The following TPD52 variants were observed in gnomAD, a reference collection of about 807,000 sequenced individuals.
TPD52 encodes tumor protein D52.
TPD52 carries 17 observed loss-of-function variants against 31.3 expected under a neutral mutation model. The observed-to-expected ratio is 0.54, with a 90% CI of 0.37 to 0.82. The LOEUF (loss-of-function observed/expected upper bound fraction) is 0.82. Ranked by LOEUF, TPD52 falls within the 40% of genes least tolerant of loss-of-function variation. TPD52 has a pLI of 0.00. For synonymous variants in TPD52, 83 were observed against 89.6 expected, an observed-to-expected ratio of 0.93 and a Z score of 0.42; for missense variants, 212 against 240.1, an observed-to-expected ratio of 0.88 and a Z score of 0.77.
intron 1 of TPD52, among the ~76,000 whole-genome samples, chr8:80,136,315 G>A (rs1047232895): frequency 2.6e-5 from 4 of 151,158 alleles, no homozygotes; most frequent in African/African-American, 9.7e-5. Context: ...ATAAGGTCAG[G>A]AAATCGAGAC....
At chr8:80,043,113 C>A (rs1810535020) in intron 6 of TPD52, among the ~76,000 whole-genome samples, 1 of 152,118 alleles carries the variant, frequency 6.6e-6, no homozygotes, top group Admixed American at 6.5e-5. Context: ...ACACACATCA[C>A]CTAAGTGGGA....
intron 5 of TPD52, among the ~76,000 whole-genome samples, chr8:80,048,881 CAA>C (rs900121203): frequency 5.3e-5 from 8 of 152,020 alleles, no homozygotes; most frequent in African/African-American, 1.9e-4. Flanking sequence ...TTATTAAAAA[CAA>C]GACTGAAAAT....
chr8:80,102,035 G>GAA (rs1806781126), intron 1 of TPD52, among the ~76,000 whole-genome samples: 1 of 152,242 alleles, frequency 6.6e-6, no homozygotes, highest in African/African-American at 2.4e-5. Flanking sequence ...CATTGGGAAT[G>GAA]AAGGAGTACA....
intron 1 of TPD52, among the ~76,000 whole-genome samples, chr8:80,099,657 C>A (rs58818758): frequency 6.6e-6 from 1 of 151,668 alleles, no homozygotes; most frequent in South Asian, 2.1e-4. Context: ...ACTACAGGAG[C>A]GTGACACCAC....
At chr8:80,100,145 G>A (rs991515013) in intron 1 of TPD52, among the ~76,000 whole-genome samples, 1 of 152,160 alleles carries the variant, frequency 6.6e-6, no homozygotes, top group African/African-American at 2.4e-5. Flanking sequence ...ATAATCCTCT[G>A]GGGAAATCTC....
chr8:80,131,021 T>G (rs1275808673), intron 1 of TPD52, among the ~76,000 whole-genome samples: 5 of 152,218 alleles, frequency 3.3e-5, no homozygotes, highest in Non-Finnish European at 7.3e-5. Flanking sequence ...ACACAGTGTC[T>G]TCCGTAAATT....
intron 2 of TPD52, among the ~76,000 whole-genome samples, chr8:80,058,432 T>C (rs1400434958): frequency 6.6e-6 from 1 of 152,230 alleles, no homozygotes. Context: ...CAAGAGTATA[T>C]TGGCATAAAA....
chr8:80,116,885 A>C (rs1807902887), intron 1 of TPD52, among the ~76,000 whole-genome samples: 2 of 152,318 alleles, frequency 1.3e-5, no homozygotes, highest in South Asian at 4.1e-4. Flanking sequence ...TCAATAGATA[A>C]AGGACTAAAA....
intron 1 of TPD52, among the ~76,000 whole-genome samples, chr8:80,095,821 G>A (rs1816682913): frequency 1.3e-5 from 2 of 152,252 alleles, no homozygotes; most frequent in South Asian, 4.1e-4. Context: ...AGCGGCATGC[G>A]CCCGTGGTCC....
intron 1 of TPD52, among the ~76,000 whole-genome samples, chr8:80,110,197 G>T (rs1380662790): frequency 6.6e-6 from 1 of 152,110 alleles, no homozygotes; most frequent in Admixed American, 6.5e-5. Flanking sequence ...TAGTTAGTTT[G>T]GTTCGTGGGG....
chr8:80,087,030 A>G (rs1015399739), intron 1 of TPD52, among the ~76,000 whole-genome samples: 2 of 152,172 alleles, frequency 1.3e-5, no homozygotes, highest in African/African-American at 4.8e-5. Flanking sequence ...CAAATTGCTC[A>G]GAAAATAAGA....
chr8:80,053,073 T>G, intron 3 of TPD52: 1 of 453,422 alleles, frequency 2.2e-6, no homozygotes, highest in Non-Finnish European at 3.8e-6. Context: ...CTGGCTAGCT[T>G]TCTTTCTATT....
rs939904824 is a variant in TPD52, at chr8:80,171,498, C to T, written c.-55G>A. The T allele has an allele frequency of 1.3e-6, 2 of 1,522,460 alleles. No homozygotes were observed. Among genetic ancestry groups the T allele is most frequent in the South Asian group, 1.2e-5 (1 of 81,784 alleles). 94.3% of individuals were successfully genotyped at this position (1,522,460 alleles called of 1,614,324 possible). On this transcript the variant is annotated 5_prime_UTR_variant, in exon 1 of 8. Transcript: ENST00000518937. ...CAGCACCCCCGCCTGCAGCCCGTCC[C>T]GGCTCGGATCGCCCGCCGCGCCGCG...
intron 1 of TPD52, among the ~76,000 whole-genome samples, chr8:80,097,102 A>G (rs1194335368): frequency 6.6e-6 from 1 of 150,736 alleles, no homozygotes; most frequent in Non-Finnish European, 1.5e-5. Context: ...GCTGATATGG[A>G]CAAAGTTTGA....
At chr8:80,100,866 C>T (rs187585966) in intron 1 of TPD52, among the ~76,000 whole-genome samples, 23 of 152,306 alleles carry the variant, frequency 1.5e-4, no homozygotes, top group Non-Finnish European at 1.5e-5. Context: ...TCGGAGAAGT[C>T]AATCTGCTTT....
chr8:80,119,105 A>G (rs1425936510), intron 1 of TPD52, among the ~76,000 whole-genome samples: 1 of 152,230 alleles, frequency 6.6e-6, no homozygotes, highest in Non-Finnish European at 1.5e-5. Context: ...AAGTAATGAC[A>G]GATGCTACTC....
intron 1 of TPD52, among the ~76,000 whole-genome samples, chr8:80,099,662 C>G (rs1387451310): frequency 2.6e-5 from 4 of 152,080 alleles, no homozygotes; most frequent in African/African-American, 9.7e-5. Context: ...AGGAGCGTGA[C>G]ACCACGCCCA....
chr8:80,167,647 C>T (rs1412487570), intron 1 of TPD52, among the ~76,000 whole-genome samples: 2 of 152,152 alleles, frequency 1.3e-5, no homozygotes, highest in Non-Finnish European at 2.9e-5. Context: ...TCTACATTTG[C>T]TTTATTTTTA....
At chr8:80,151,965 T>A (rs1028590500) in intron 1 of TPD52, among the ~76,000 whole-genome samples, 1 of 152,242 alleles carries the variant, frequency 6.6e-6, no homozygotes, top group Non-Finnish European at 1.5e-5. Context: ...ATTGCGCTTA[T>A]GTTGATTTTT....
Sources: allele counts gnomAD v4.1 joint callset (sites outside exome capture counted in the v4.1 genomes callset), GRCh38; gene constraint gnomAD v4.1.1; transcripts MANE v1.5; gene names NCBI Gene and HGNC (gene_info 2026-07-23, HGNC 2026-07-21).